PLXNC1: variants seen among roughly 807,000 people sequenced by gnomAD.
The protein encoded by PLXNC1 is plexin-C1.
PLXNC1 carries 75 observed loss-of-function variants against 178.2 expected under a neutral mutation model. The observed-to-expected ratio is 0.42, with a 90% CI of 0.35 to 0.51. The LOEUF (loss-of-function observed/expected upper bound fraction) is 0.51. Ranked by LOEUF, PLXNC1 falls within the 20% of genes least tolerant of loss-of-function variation. The pLI is 0.02. For missense variants in PLXNC1, 1,503 were observed against 1,984.4 expected, an observed-to-expected ratio of 0.76 and a Z score of 4.61; for synonymous variants, 790 against 779.9, an observed-to-expected ratio of 1.01 and a Z score of -0.22.
intron 12 of PLXNC1, among the ~76,000 whole-genome samples, chr12:94,244,796 C>G (rs778085968): frequency 2.0e-5 from 3 of 152,236 alleles, no homozygotes; most frequent in Non-Finnish European, 4.4e-5. Context: ...ATTCAAAAGG[C>G]TGGACACGGC....
intron 2 of PLXNC1, among the ~76,000 whole-genome samples, chr12:94,176,825 A>G (rs1357048570): frequency 2.0e-5 from 3 of 151,950 alleles, no homozygotes; most frequent in Non-Finnish European, 4.4e-5. Flanking sequence ...TATATATGTA[A>G]AAATACCTGT....
rs577628217 is a variant in PLXNC1 at position 94,302,512 on chromosome 12, A to G, written c.4387-1244A>G. ...TTTCTTCATTTGACTAATAAAGTTC[A>G]TCTTAGCATGCAGCACACTGAAAGG... On this transcript the variant is annotated intron_variant, in intron 28 of 30. Coordinates refer to ENST00000258526, the MANE Select transcript of PLXNC1 (RefSeq NM_005761.3). Among the ~76,000 whole-genome samples the G allele has an allele frequency of 3.9e-5, 6 of 152,364 alleles. 1 individual carries two copies. The highest frequency in any genetic ancestry group is 1.4e-4 in the African/African-American group (6 of 41,584).
intron 12 of PLXNC1, among the ~76,000 whole-genome samples, chr12:94,246,368 A>G (rs1008279194): frequency 6.6e-6 from 1 of 152,212 alleles, no homozygotes; most frequent in Non-Finnish European, 1.5e-5. Context: ...GTGCTGGGGC[A>G]TCGTGAAGCT....
chr12:94,166,678 G>A lies in PLXNC1; in HGVS notation c.1063-2475G>A, dbSNP rs540940608. On this transcript the variant is annotated intron_variant, in intron 1 of 30. Transcript: ENST00000258526. The stretch of plus-strand genomic sequence containing the variant: ...TTAAATTAATTGCCCAGGTCACACA[G>A]TGAGTGAGAACCAAGCTCAAATGTA... 3.3e-5 allele frequency among the ~76,000 whole-genome samples: 5 copies of A among 152,042 alleles called. No homozygotes were observed. The East Asian group carries it at 9.6e-4, about 29-fold the overall frequency.
intron 5 of PLXNC1, among the ~76,000 whole-genome samples, chr12:94,213,288 G>C (rs1963548033): frequency 6.6e-6 from 1 of 152,128 alleles, no homozygotes; most frequent in South Asian, 2.1e-4. Context: ...AAGTGTTCCT[G>C]TTTCTCCACA....
intron 1 of PLXNC1, among the ~76,000 whole-genome samples, chr12:94,164,796 A>G (rs934431728): frequency 3.3e-5 from 5 of 151,858 alleles, no homozygotes; most frequent in African/African-American, 4.8e-5. Context: ...CAGCCCAAAC[A>G]TCGCTTGAGC....
intron 2 of PLXNC1, among the ~76,000 whole-genome samples, chr12:94,179,793 A>T (rs867563173): frequency 2.6e-4 from 39 of 152,006 alleles, no homozygotes; most frequent in African/African-American, 9.4e-4. Context: ...GGAGCTTGCA[A>T]TCTAGTAACA....
intron 2 of PLXNC1, among the ~76,000 whole-genome samples, chr12:94,172,130 T>C (rs1402617949): frequency 1.3e-5 from 2 of 152,182 alleles, no homozygotes; most frequent in African/African-American, 4.8e-5. Flanking sequence ...TGAACACTGA[T>C]AGACACAAGC....
chr12:94,183,051 G>A (rs183660604), intron 3 of PLXNC1, among the ~76,000 whole-genome samples: 52 of 152,270 alleles, frequency 3.4e-4, no homozygotes, highest in East Asian at 1.5e-3. Context: ...ACCTATGACC[G>A]TTTGAACATG....
chr12:94,214,261 A>T (rs1190183180), intron 5 of PLXNC1, among the ~76,000 whole-genome samples: 11 of 151,538 alleles, frequency 7.3e-5, no homozygotes, highest in Admixed American at 2.6e-4. Flanking sequence ...ATTTTTAAAA[A>T]TTTTTTATAG....
At chr12:94,255,371 C>G (rs976787769) in intron 17 of PLXNC1, 75 bp downstream of exon 17, 1 of 1,015,460 alleles carries the variant, frequency 9.8e-7, no homozygotes, top group Non-Finnish European at 1.6e-6. Context: ...GTTGTCAAAA[C>G]GAGTGTTTGC....
At position 94,297,187 on chromosome 12, in the gene PLXNC1, A is replaced by G; in HGVS notation, c.3935-2A>G. ...TTCTCTCCCTCTTTCTCTGGCATTC[A>G]GATGTGGAGTACTCGGATGACCACT... On this transcript the variant is annotated splice_acceptor_variant, in intron 24 of 30. Transcript: ENST00000258526. LOFTEE classifies it high-confidence loss of function. 6.2e-7 allele frequency: 1 copy of G among 1,613,812 alleles called. No individual in the cohort carries two copies. The highest frequency in any genetic ancestry group is 8.5e-7 in the Non-Finnish European group (1 of 1,179,926).
At position 94,169,052 on chromosome 12, in the gene PLXNC1, A is replaced by G; in HGVS notation, c.1063-101A>G. On this transcript the variant is annotated intron_variant, in intron 1 of 30. Transcript: ENST00000258526. The stretch of plus-strand genomic sequence containing the variant: ...AATATATGTGGGGCCCAGAAGTGAG[A>G]TCCTGCCTAGGAGGGCATGAGTGAC... The G allele has an allele frequency of 1.1e-5, 12 of 1,075,098 alleles. No individual in the cohort carries two copies. The South Asian group carries it at 1.6e-4, about 14-fold the overall frequency. The allele number at this position is 1,075,098 out of a possible 1,614,324, so 66.6% of individuals were successfully genotyped here.
At chr12:94,243,505 A>G (rs544955980) in intron 11 of PLXNC1, among the ~76,000 whole-genome samples, 2 of 152,232 alleles carry the variant, frequency 1.3e-5, no homozygotes, top group Non-Finnish European at 2.9e-5. Context: ...TCTAAATAAC[A>G]TACCATTGGT....
intron 2 of PLXNC1, among the ~76,000 whole-genome samples, chr12:94,177,644 A>G (rs1205432134): frequency 1.3e-5 from 2 of 152,082 alleles, no homozygotes; most frequent in Non-Finnish European, 2.9e-5. Context: ...CTTCCTTGCC[A>G]CAATTCAGAG....
intron 6 of PLXNC1, among the ~76,000 whole-genome samples, chr12:94,221,357 G>A (rs1446401761): frequency 1.3e-5 from 2 of 152,012 alleles, no homozygotes; most frequent in African/African-American, 2.4e-5. Flanking sequence ...AAGTGAAAGC[G>A]GAAAGCTACT....
At chr12:94,205,692 C>T (rs1963277688) in intron 4 of PLXNC1, among the ~76,000 whole-genome samples, 1 of 152,180 alleles carries the variant, frequency 6.6e-6, no homozygotes, top group African/African-American at 2.4e-5. Context: ...TCAGAATGCC[C>T]ACTTCTGTGT....
chr12:94,214,657 C>T (rs1963591876), intron 5 of PLXNC1, among the ~76,000 whole-genome samples: 2 of 152,224 alleles, frequency 1.3e-5, no homozygotes, highest in African/African-American at 4.8e-5. Flanking sequence ...TATCAATAAC[C>T]TTACTACATG....
chr12:94,235,855 A>G (rs1964226975), intron 9 of PLXNC1, among the ~76,000 whole-genome samples: 1 of 152,176 alleles, frequency 6.6e-6, no homozygotes, highest in Non-Finnish European at 1.5e-5. Flanking sequence ...TGGCCCACAG[A>G]CTATAGTTTG....
Sources: gnomAD v4.1 joint callset for allele counts (sites outside exome capture counted in the v4.1 genomes callset) on GRCh38, gnomAD v4.1.1 for gene constraint, MANE v1.5 for transcripts, NCBI Gene and HGNC (gene_info 2026-07-23, HGNC 2026-07-21) for gene names.